UMAD1: variants seen among roughly 807,000 people sequenced by gnomAD.
The protein encoded by UMAD1 is UBAP1-MVB12-associated (UMA)-domain containing protein 1.
In UMAD1, 8 loss-of-function variants were observed where a neutral mutation model predicts 6.1. The ratio of observed to expected loss-of-function variants is 1.30; its 90% CI spans 0.76 to 2.35. UMAD1 has a LOEUF of 2.35. Ranked by LOEUF, UMAD1 falls within the 30% of genes most tolerant of loss-of-function variation. The probability of loss-of-function intolerance (pLI) is 0.00; values close to 1 mark genes in which losing one functional copy is unlikely to be tolerated. For missense variants in UMAD1, 130 were observed against 78.4 expected, an observed-to-expected ratio of 1.66 and a Z score of -2.49; for synonymous variants, 56 against 31.4, an observed-to-expected ratio of 1.78 and a Z score of -2.61.
chr7:7,680,311 T>G (rs376382260), intron 2 of UMAD1, among the ~76,000 whole-genome samples: 1 of 152,302 alleles, frequency 6.6e-6, no homozygotes, highest in East Asian at 1.9e-4. Context: ...TTTCCCAATG[T>G]ATATCCTTGG....
In UMAD1 at chr7:7,857,888, T is replaced by C. The variant is rs552895053; in HGVS notation, c.157-19393T>C. On this transcript the variant is annotated intron_variant, in intron 3 of 3. Transcript: ENST00000682710. Reference sequence around the variant, plus strand: ...ATCATTAGAAAAGAATCTATAACCCTTTCTGAAAGAGAAGATAATCTTTGG... The same window carrying C: ...ATCATTAGAAAAGAATCTATAACCCCTTCTGAAAGAGAAGATAATCTTTGG... 3.9e-5 allele frequency among the ~76,000 whole-genome samples: 6 copies of C among 152,352 alleles called. No individual in the cohort carries two copies. In the South Asian group the frequency reaches 1.2e-3, roughly 32 times the overall value.
intron 2 of UMAD1, among the ~76,000 whole-genome samples, chr7:7,741,538 C>T (rs1466513773): frequency 6.6e-6 from 1 of 150,758 alleles, no homozygotes; most frequent in Admixed American, 6.6e-5. Context: ...GATCACATCA[C>T]TGCACTCCAG....
At chr7:7,843,085 A>T (rs989361761) in intron 3 of UMAD1, among the ~76,000 whole-genome samples, 1 of 152,234 alleles carries the variant, frequency 6.6e-6, no homozygotes, top group Non-Finnish European at 1.5e-5. Context: ...ATACAAATTT[A>T]AGAATCTAGT....
In UMAD1 at chr7:7,677,819, G is replaced by A. The variant is rs1162146374; in HGVS notation, c.82+4366G>A. 7.4e-4 allele frequency among the ~76,000 whole-genome samples: 110 copies of A among 149,466 alleles called. 1 individual carries two copies. Among genetic ancestry groups the A allele is most frequent in the Middle Eastern group, 3.4e-3 (1 of 290 alleles). On this transcript the variant is annotated intron_variant, in intron 2 of 3. Transcript: ENST00000682710. ...CTCCCAAGTAGCTGGGACTACAGGC[G>A]CCCGCCACTACGCCCGGCTAATTTT...
chr7:7,846,229 A>G (rs1783779862), intron 3 of UMAD1, among the ~76,000 whole-genome samples: 1 of 152,182 alleles, frequency 6.6e-6, no homozygotes, highest in South Asian at 2.1e-4. Context: ...AATATATAGC[A>G]TGATATTCCA....
chr7:7,698,420 A>T (rs1393941545), intron 2 of UMAD1, among the ~76,000 whole-genome samples: 1 of 152,234 alleles, frequency 6.6e-6, no homozygotes, highest in Non-Finnish European at 1.5e-5. Context: ...AGTAGCTGTA[A>T]GTTGACTTTC....
At chr7:7,853,137 T>C (rs952905849) in intron 3 of UMAD1, among the ~76,000 whole-genome samples, 5 of 152,222 alleles carry the variant, frequency 3.3e-5, no homozygotes, top group African/African-American at 9.7e-5. Context: ...AACCAGTATA[T>C]ATGTATATCA....
chr7:7,737,032 C>T (rs747084307), intron 2 of UMAD1, among the ~76,000 whole-genome samples: 12 of 152,374 alleles, frequency 7.9e-5, no homozygotes, highest in Non-Finnish European at 1.3e-4. Flanking sequence ...GAGGGGTTTT[C>T]CTTCTTTGGC....
In UMAD1 at chr7:7,848,059, G is replaced by A. The variant is rs10225756; in HGVS notation, c.157-29222G>A. Among the ~76,000 whole-genome samples, 46 of 152,240 alleles carry A rather than the reference G, an allele frequency of 3.0e-4. No homozygotes were observed. The East Asian group carries it at 7.9e-3, about 26-fold the overall frequency. On this transcript the variant is annotated intron_variant, in intron 3 of 3. Coordinates refer to ENST00000682710, the MANE Select transcript of UMAD1 (RefSeq NM_001302348.2). Reference sequence around the variant, plus strand: ...AGAAGTGAATTGTTGAAAGATACCTGTAGAAGCTCCTTTGAACTAATGATG... The same window carrying A: ...AGAAGTGAATTGTTGAAAGATACCTATAGAAGCTCCTTTGAACTAATGATG...
intron 3 of UMAD1, among the ~76,000 whole-genome samples, chr7:7,848,316 G>C (rs1236705277): frequency 6.6e-6 from 1 of 152,096 alleles, no homozygotes; most frequent in East Asian, 1.9e-4. Flanking sequence ...AATGTTTTCA[G>C]AAAGAAAACA....
At chr7:7,780,780 A>G (rs1782329505) in intron 2 of UMAD1, among the ~76,000 whole-genome samples, 1 of 152,238 alleles carries the variant, frequency 6.6e-6, no homozygotes, top group Non-Finnish European at 1.5e-5. Context: ...ATTCATCCAT[A>G]TTGTTCCATG....
intron 2 of UMAD1, among the ~76,000 whole-genome samples, chr7:7,689,039 C>T (rs1363684346): frequency 6.6e-6 from 1 of 152,150 alleles, no homozygotes; most frequent in African/African-American, 2.4e-5. Flanking sequence ...GGAGGGGCTT[C>T]CTTTACTTCC....
At chr7:7,784,614 G>A (rs1782423989) in intron 2 of UMAD1, among the ~76,000 whole-genome samples, 1 of 151,876 alleles carries the variant, frequency 6.6e-6, no homozygotes, top group African/African-American at 2.4e-5. Context: ...CAGAGTGCTG[G>A]GATTACAGGC....
At chr7:7,783,909 G>T (rs1316227784) in intron 2 of UMAD1, among the ~76,000 whole-genome samples, 2 of 152,098 alleles carry the variant, frequency 1.3e-5, no homozygotes, top group Non-Finnish European at 2.9e-5. Context: ...CTCTAATTCA[G>T]TACATTCACC....
chr7:7,856,665 G>T (rs776419457), intron 3 of UMAD1, among the ~76,000 whole-genome samples: 2 of 152,072 alleles, frequency 1.3e-5, no homozygotes, highest in Non-Finnish European at 2.9e-5. Flanking sequence ...TGAGTTGACC[G>T]TATGAGATGG....
chr7:7,651,960 C>T (rs974247575), intron 1 of UMAD1, among the ~76,000 whole-genome samples: 1 of 152,132 alleles, frequency 6.6e-6, no homozygotes, highest in Non-Finnish European at 1.5e-5. Flanking sequence ...CCTGACTCCT[C>T]CCTCTCTCCC....
intron 2 of UMAD1, among the ~76,000 whole-genome samples, chr7:7,760,615 T>C (rs765524932): frequency 1.1e-4 from 17 of 152,036 alleles, no homozygotes; most frequent in Non-Finnish European, 4.4e-5. Context: ...TTAGCACTTA[T>C]GGCAGGAAGA....
At chr7:7,843,553 G>A (rs775291362) in intron 3 of UMAD1, among the ~76,000 whole-genome samples, 4 of 151,562 alleles carry the variant, frequency 2.6e-5, no homozygotes, top group African/African-American at 4.9e-5. Flanking sequence ...AGGAGATGAA[G>A]TATACTACCT....
At chr7:7,708,417 C>G (rs181520915) in intron 2 of UMAD1, among the ~76,000 whole-genome samples, 1 of 152,274 alleles carries the variant, frequency 6.6e-6, no homozygotes, top group Admixed American at 6.5e-5. Context: ...TAAACAGTTA[C>G]CCAAGTGTCA....
Sources: gnomAD v4.1 joint callset for allele counts (sites outside exome capture counted in the v4.1 genomes callset) on GRCh38, gnomAD v4.1.1 for gene constraint, MANE v1.5 for transcripts, NCBI Gene and HGNC (gene_info 2026-07-23, HGNC 2026-07-21) for gene names.